Variants in TMEM132D observed in about 807,000 individuals in gnomAD.
TMEM132D encodes mature OL transmembrane protein.
A neutral mutation model predicts 62.3 loss-of-function variants in TMEM132D; 21 were observed. The ratio of observed to expected loss-of-function variants is 0.34; its 90% CI spans 0.24 to 0.49. TMEM132D has a LOEUF of 0.49. TMEM132D is among the 20% of genes least tolerant of loss of function. TMEM132D has a pLI of 0.99. For synonymous variants in TMEM132D, 621 were observed against 575.6 expected (o/e 1.08, Z -1.13); for missense variants, 1,346 against 1,402.8 (o/e 0.96, Z 0.65).
At chr12:129,310,975 G>T (rs1881959323) in intron 4 of TMEM132D, among the ~76,000 whole-genome samples, 1 of 96,084 alleles carries the variant, frequency 1.0e-5, no homozygotes, top group Non-Finnish European at 1.9e-5. Flanking sequence ...GAGGCAGGCG[G>T]ATCACGAGGT....
chr12:129,306,566 C>T (rs1250094427), intron 4 of TMEM132D, among the ~76,000 whole-genome samples: 1 of 152,160 alleles, frequency 6.6e-6, no homozygotes, highest in Non-Finnish European at 1.5e-5. Flanking sequence ...AGGAATTCCA[C>T]TGGCAAATAG....
At chr12:129,077,397 A>G (rs1292272166) in intron 8 of TMEM132D, among the ~76,000 whole-genome samples, 1 of 152,214 alleles carries the variant, frequency 6.6e-6, no homozygotes, top group East Asian at 1.9e-4. Context: ...TGCAACCACC[A>G]TGTTTTGTTA....
At chr12:129,851,161 C>A (rs1873527994) in intron 1 of TMEM132D, among the ~76,000 whole-genome samples, 1 of 152,180 alleles carries the variant, frequency 6.6e-6, no homozygotes. Context: ...ATGTTCCTAT[C>A]CATAGGGAAA....
chr12:129,793,857 T>C (rs2398486), intron 1 of TMEM132D, among the ~76,000 whole-genome samples: 119,096 of 152,078 alleles, frequency 0.78, 47,890 homozygotes, highest in Non-Finnish European at 0.88. Context: ...GTTCTAAAAA[T>C]GCCACAGGCC....
intron 3 of TMEM132D, among the ~76,000 whole-genome samples, chr12:129,384,123 A>C (rs1200290740): frequency 6.6e-6 from 1 of 152,262 alleles, no homozygotes; most frequent in Non-Finnish European, 1.5e-5. Context: ...TCACGAGCAA[A>C]GAGAAGTTGC....
At chr12:129,222,962 G>A (rs1274881412) in intron 4 of TMEM132D, among the ~76,000 whole-genome samples, 1 of 152,042 alleles carries the variant, frequency 6.6e-6, no homozygotes, top group East Asian at 1.9e-4. Context: ...GCTTGATAGT[G>A]GCAATCATTT....
rs1881026065 is a variant in TMEM132D, at chr12:129,277,157, G to A, written c.1299+60477C>T. ...ACATGGGTGTGGGTGAGAACAGTGG[G>A]TGTGTGGAGAACAAAAACTATGGAA... On this transcript the variant is annotated intron_variant, in intron 4 of 8. Transcript: ENST00000422113. The surrounding 1 kb of genome is among the most constrained non-coding windows in gnomAD (Gnocchi z 4.2). 6.6e-6 allele frequency among the ~76,000 whole-genome samples: 1 copy of A among 152,178 alleles called. No individual in the cohort carries two copies. The highest frequency in any genetic ancestry group is 2.1e-4 in the South Asian group (1 of 4,824).
At chr12:129,117,542 C>T (rs1367497770) in intron 5 of TMEM132D, among the ~76,000 whole-genome samples, 1 of 150,084 alleles carries the variant, frequency 6.7e-6, no homozygotes, top group African/African-American at 2.5e-5. Context: ...ATTTTCAAGA[C>T]AGCCCAATAA....
At chr12:129,551,594 G>A (rs1193337204) in intron 2 of TMEM132D, among the ~76,000 whole-genome samples, 1 of 152,160 alleles carries the variant, frequency 6.6e-6, no homozygotes, top group Non-Finnish European at 1.5e-5. Flanking sequence ...ATCTACTTTA[G>A]TATAGCGCCA....
chr12:129,712,761 G>A (rs146581954), intron 1 of TMEM132D, among the ~76,000 whole-genome samples: 3 of 152,324 alleles, frequency 2.0e-5, no homozygotes, highest in East Asian at 1.9e-4. Flanking sequence ...TCTGAAAAGC[G>A]AGTGGGTGGG....
intron 1 of TMEM132D, among the ~76,000 whole-genome samples, chr12:129,885,006 G>A (rs1312581599): frequency 6.6e-6 from 1 of 152,230 alleles, no homozygotes; most frequent in Non-Finnish European, 1.5e-5. Flanking sequence ...TAGGCAATGT[G>A]AAGTAAGCCT....
intron 1 of TMEM132D, among the ~76,000 whole-genome samples, chr12:129,847,650 G>A (rs1018809691): frequency 6.6e-6 from 1 of 152,104 alleles, no homozygotes; most frequent in Non-Finnish European, 1.5e-5. Flanking sequence ...CTCTAATCCA[G>A]GGGTGAGGTC....
intron 1 of TMEM132D, among the ~76,000 whole-genome samples, chr12:129,825,569 A>G (rs1222572015): frequency 6.6e-6 from 1 of 151,498 alleles, no homozygotes; most frequent in African/African-American, 2.4e-5. Flanking sequence ...CTCCACCTGC[A>G]CTCTCCCAAG....
intron 3 of TMEM132D, among the ~76,000 whole-genome samples, chr12:129,355,822 G>A (rs1284631491): frequency 6.6e-6 from 1 of 152,152 alleles, no homozygotes; most frequent in East Asian, 1.9e-4. Flanking sequence ...GCCCACAAGC[G>A]CAAAGAGCCT....
At chr12:129,145,492 G>A (rs548191817) in intron 5 of TMEM132D, among the ~76,000 whole-genome samples, 28 of 152,154 alleles carry the variant, frequency 1.8e-4, no homozygotes, top group African/African-American at 5.8e-4. Context: ...CCACAGCTCC[G>A]TGCACTCTGC....
chr12:129,756,893 C>A lies in TMEM132D; in HGVS notation c.80-56195G>T, dbSNP rs1227890017. Among the ~76,000 whole-genome samples the A allele has an allele frequency of 2.6e-5, 4 of 152,136 alleles. No individual in the cohort carries two copies. In the East Asian group the frequency reaches 7.7e-4, roughly 29 times the overall value. On this transcript the variant is annotated intron_variant, in intron 1 of 8. Transcript: ENST00000422113. ...GCCTTCAGGCTGTGGAAGGTTGCGC[C>A]CTGATGTTCCCTTTTCTGGTGGATG... is the stretch of plus-strand genomic sequence containing the variant.
rs1451255201 is a variant in TMEM132D, at chr12:129,605,602, T to TACAC, written c.969-74398_969-74397insGTGT. On this transcript the variant is annotated intron_variant, in intron 2 of 8. Transcript: ENST00000422113. Reference sequence around the variant, plus strand: ...AAATTAGGCATTATATATATATATATATACACACACATATATATATACACA... The same window carrying TACAC: ...AAATTAGGCATTATATATATATATATACACATACACACACATATATATATACACA... 2.9e-4 allele frequency among the ~76,000 whole-genome samples: 17 copies of TACAC among 59,200 alleles called. 1 individual carries two copies. Among genetic ancestry groups the TACAC allele is most frequent in the African/African-American group, 8.9e-4 (16 of 18,068 alleles). 38.8% of individuals were successfully genotyped at this position (59,200 alleles called of 152,430 possible).
intron 5 of TMEM132D, among the ~76,000 whole-genome samples, chr12:129,177,488 T>C (rs1411743048): frequency 6.6e-6 from 1 of 152,192 alleles, no homozygotes; most frequent in Non-Finnish European, 1.5e-5. Flanking sequence ...CCGGGGATGA[T>C]TGCTCACACC....
intron 1 of TMEM132D, among the ~76,000 whole-genome samples, chr12:129,828,758 AGGAGGGAGGGAGGGAGGAAGAAAAGGAG>A (rs1566000192): frequency 1.0e-4 from 1 of 9,960 alleles, no homozygotes; most frequent in Non-Finnish European, 2.7e-4. Flanking sequence ...GAGGGAGGAA[AGGAGGGAGGGAGGGAGGAAGAAAAGGAG>A]GGAGGGAGGG....
Sources: allele counts gnomAD v4.1 joint callset (sites outside exome capture counted in the v4.1 genomes callset), GRCh38; gene constraint gnomAD v4.1.1; non-coding constraint Gnocchi (gnomAD v3.1); transcripts MANE v1.5; gene names NCBI Gene and HGNC (gene_info 2026-07-23, HGNC 2026-07-21).